BRDT: variants seen among roughly 807,000 people sequenced by gnomAD.
BRDT encodes bromodomain testis-specific protein.
A neutral mutation model predicts 113.9 loss-of-function variants in BRDT; 77 were observed. That is an observed-to-expected ratio of 0.68 (90% confidence interval 0.56 to 0.82). BRDT has a LOEUF of 0.82. Among genes scored for constraint, BRDT ranks in the 40% least tolerant of loss-of-function variants. BRDT has a pLI of 0.00. For synonymous variants in BRDT, 358 were observed against 366.5 expected, an observed-to-expected ratio of 0.98 and a Z score of 0.26; for missense variants, 1,027 against 1,105.4, an observed-to-expected ratio of 0.93 and a Z score of 1.01.
chr1:91,981,147 A>G lies in BRDT; in HGVS notation c.1719A>G (p.Ala573=), dbSNP rs769583981. 7 of 1,612,116 alleles carry G rather than the reference A, an allele frequency of 4.3e-6. No individual in the cohort carries two copies. The highest frequency in any genetic ancestry group is 1.1e-5 in the South Asian group (1 of 90,468). ...GAGAATTAGAAAAATATGTTTCGGC[A>G]TGTCTAAGAAAGAGACCATTAAAAC... is the stretch of plus-strand genomic sequence containing the variant. ...TLRELEKYVS[A]CLRKRPLKPP... The change falls in exon 10 of 19, where the codon GCA becomes GCG. Residue 573 remains alanine, a synonymous_variant. Coordinates refer to ENST00000399546, the MANE Select transcript of BRDT (RefSeq NM_207189.4).
chr1:91,979,189 C>T (rs1444618460), intron 7 of BRDT, among the ~76,000 whole-genome samples: 1 of 149,438 alleles, frequency 6.7e-6, no homozygotes, highest in African/African-American at 2.5e-5. Context: ...TCTTGGCTCA[C>T]TGCAACCTCC....
intron 18 of BRDT, among the ~76,000 whole-genome samples, chr1:92,009,849 G>A (rs1687649134): frequency 6.6e-6 from 1 of 152,014 alleles, no homozygotes; most frequent in Admixed American, 6.6e-5. Flanking sequence ...AGAATTACAG[G>A]TGTGAGCCAC....
At chr1:92,012,199 G>A (rs1280443066) in intron 18 of BRDT, among the ~76,000 whole-genome samples, 4 of 151,806 alleles carry the variant, frequency 2.6e-5, no homozygotes, top group Non-Finnish European at 5.9e-5. Flanking sequence ...TTAGGAGGCT[G>A]AGGCAGAAGA....
chr1:91,975,464 G>A (rs995682246), intron 4 of BRDT, among the ~76,000 whole-genome samples: 13 of 152,104 alleles, frequency 8.5e-5, no homozygotes, highest in South Asian at 2.1e-4. Flanking sequence ...ATAGAGGACC[G>A]AAGCAGAAGA....
In BRDT at chr1:91,977,023, G is replaced by A. The variant is rs374654048; in HGVS notation, c.619-20G>A. 24 of 1,521,946 alleles carry A rather than the reference G, an allele frequency of 1.6e-5. No individual in the cohort carries two copies. In the East Asian group the frequency reaches 2.1e-4, roughly 13 times the overall value. The allele number at this position is 1,521,946 out of a possible 1,614,324, so 94.3% of individuals were successfully genotyped here. On this transcript the variant is annotated intron_variant, in intron 5 of 18. Coordinates refer to ENST00000399546, the MANE Select transcript of BRDT (RefSeq NM_207189.4). ...ATATCATCTCAAATATATTTTTGTT[G>A]TTGAATTGTTCTGTTGTAGGTTACA... is the stretch of plus-strand genomic sequence containing the variant.
intron 13 of BRDT, 126 bp from the exon 14 acceptor site, chr1:91,992,138 C>T: frequency 2.3e-6 from 1 of 439,318 alleles, no homozygotes; most frequent in Non-Finnish European, 3.9e-6. Context: ...CAACATCTAA[C>T]TAGGTTAGGG....
intron 15 of BRDT, among the ~76,000 whole-genome samples, chr1:91,999,605 T>A (rs1026244290): frequency 1.3e-5 from 2 of 152,114 alleles, no homozygotes; most frequent in Non-Finnish European, 2.9e-5. Context: ...TCCCCTCAGC[T>A]CTTATAGCAA....
intron 1 of BRDT, chr1:91,949,892 C>G (rs2101437393): frequency 6.6e-6 from 1 of 152,242 alleles, no homozygotes; most frequent in East Asian, 1.9e-4. Flanking sequence ...CTTTGTAGTT[C>G]CTCTTAGGTC....
At chr1:91,979,903 T>C in intron 8 of BRDT, 146 bp downstream of exon 8, 1 of 605,940 alleles carries the variant, frequency 1.7e-6, no homozygotes, top group Non-Finnish European at 2.6e-6. Flanking sequence ...TAATGTTTAA[T>C]AGTTTTTCCT....
chr1:91,999,971 G>A (rs940830101), intron 15 of BRDT, among the ~76,000 whole-genome samples: 1 of 152,170 alleles, frequency 6.6e-6, no homozygotes, highest in Non-Finnish European at 1.5e-5. Flanking sequence ...AACCGCCTGG[G>A]CTCAAGTCAT....
intron 18 of BRDT, among the ~76,000 whole-genome samples, chr1:92,008,468 C>A (rs1687526778): frequency 6.6e-6 from 1 of 151,994 alleles, no homozygotes; most frequent in Non-Finnish European, 1.5e-5. Flanking sequence ...TATATATATG[C>A]CCTCCCCCAC....
chr1:91,994,315 A>G lies in BRDT; in HGVS notation c.2287+61A>G. 2.3e-6 allele frequency: 3 copies of G among 1,303,848 alleles called. No individual in the cohort carries two copies. In the South Asian group the frequency reaches 4.6e-5, roughly 20 times the overall value. 80.8% of individuals were successfully genotyped at this position (1,303,848 alleles called of 1,614,324 possible). A position where few individuals can be genotyped will look rare whatever the true frequency, so the allele number is the denominator to read the frequency against. ...AATTGACTTCTAAACCTATACATAT[A>G]TGAAAATGTTATGGTCATCTTAAAT... On this transcript the variant is annotated intron_variant, in intron 15 of 18. Coordinates refer to ENST00000399546, the MANE Select transcript of BRDT (RefSeq NM_207189.4).
chr1:91,959,344 A>C (rs1682157027), intron 1 of BRDT, among the ~76,000 whole-genome samples: 1 of 152,070 alleles, frequency 6.6e-6, no homozygotes. Flanking sequence ...TTACAAAGCC[A>C]GGATAAGAGC....
At chr1:91,976,551 G>A (rs1684158843) in intron 5 of BRDT, 113 bp downstream of exon 5, 10 of 1,032,346 alleles carry the variant, frequency 9.7e-6, no homozygotes, top group Non-Finnish European at 1.1e-5. Flanking sequence ...AATTCATTTA[G>A]CATCTAGCAA....
At chr1:91,959,688 G>A (rs1269502987) in intron 1 of BRDT, among the ~76,000 whole-genome samples, 1 of 151,978 alleles carries the variant, frequency 6.6e-6, no homozygotes, top group Non-Finnish European at 1.5e-5. Context: ...TCATCTTGTT[G>A]TCCAGTCTGG....
chr1:91,966,366 A>G (rs1250892347), intron 3 of BRDT, among the ~76,000 whole-genome samples: 3 of 152,210 alleles, frequency 2.0e-5, no homozygotes, highest in Admixed American at 1.3e-4. Context: ...GTGCCAGCTT[A>G]TATGTATAAA....
intron 1 of BRDT, chr1:91,950,938 T>C (rs1680996235): frequency 6.6e-6 from 1 of 151,000 alleles, no homozygotes; most frequent in African/African-American, 2.4e-5. Flanking sequence ...GGCAGGAGAA[T>C]GGCTTGAACC....
rs965764529 is a variant in BRDT at position 91,952,733 on chromosome 1, C to T, written c.-38+3051C>T. Among the ~76,000 whole-genome samples, 4 of 132,162 alleles carry T rather than the reference C, an allele frequency of 3.0e-5. No homozygotes were observed. In the Admixed American group the frequency reaches 3.7e-4, roughly 12 times the overall value. 86.7% of individuals were successfully genotyped at this position (132,162 alleles called of 152,430 possible). On this transcript the variant is annotated intron_variant, in intron 1 of 18. Coordinates refer to ENST00000399546, the MANE Select transcript of BRDT (RefSeq NM_207189.4). ...AGGCAGGCGGAGGAGTGCTTGAGCC[C>T]AGGAGTTCAAGACCAGCCTGGGTAA... is the stretch of plus-strand genomic sequence containing the variant.
In BRDT at chr1:91,958,213, CCTT is replaced by C. The variant is rs1219649521; in HGVS notation, c.-37-4504_-37-4502del. On this transcript the variant is annotated intron_variant, in intron 1 of 18. Coordinates refer to ENST00000399546, the MANE Select transcript of BRDT (RefSeq NM_207189.4). ...CTTTTCATGACTTGATAACTCATGC[CCTT>C]TTTTTTTTTTTTTTTTTTAAAAGGA... 2.8e-4 allele frequency among the ~76,000 whole-genome samples: 20 copies of C among 72,114 alleles called. No individual in the cohort carries two copies. In the East Asian group the frequency reaches 5.8e-3, roughly 21 times the overall value. 47.3% of individuals were successfully genotyped at this position (72,114 alleles called of 152,430 possible). A position where few individuals can be genotyped will look rare whatever the true frequency, so the allele number is the denominator to read the frequency against.
Sources: gnomAD v4.1 joint callset for allele counts (sites outside exome capture counted in the v4.1 genomes callset) on GRCh38, gnomAD v4.1.1 for gene constraint, MANE v1.5 for transcripts, NCBI Gene and HGNC (gene_info 2026-07-23, HGNC 2026-07-21) for gene names.